The following GALK2 variants were observed in gnomAD, a reference collection of about 807,000 sequenced individuals.
GALK2 encodes N-acetylgalactosamine kinase.
In GALK2, 36 loss-of-function variants were observed where a neutral mutation model predicts 52.4. That is an observed-to-expected ratio of 0.69 (90% CI 0.53 to 0.91). The LOEUF (loss-of-function observed/expected upper bound fraction) is 0.91, where lower values mean the gene tolerates loss of function less well. Ranked by LOEUF, GALK2 falls within the 40% of genes least tolerant of loss-of-function variation. The pLI is 0.00. For missense variants in GALK2, 579 were observed against 559.1 expected (o/e 1.04, Z -0.36); for synonymous variants, 176 against 199.1 (o/e 0.88, Z 0.98).
intron 3 of GALK2, among the ~76,000 whole-genome samples, chr15:49,347,294 T>C (rs2041647976): frequency 6.6e-6 from 1 of 152,184 alleles, no homozygotes; most frequent in South Asian, 2.1e-4. Context: ...GAATAAGAAG[T>C]GACAACATTT....
rs924002701 is a variant in GALK2 at position 49,210,977 on chromosome 15, A to T, written c.143-6213A>T. On this transcript the variant is annotated intron_variant, in intron 2 of 9. Coordinates refer to ENST00000560031, the MANE Select transcript of GALK2 (RefSeq NM_002044.4). ...GGCTGTCACACACACACACACTCAC[A>T]CACACACACACACACACACACACAC... Among the ~76,000 whole-genome samples, 11 of 70,722 alleles carry T rather than the reference A, an allele frequency of 1.6e-4. No homozygotes were observed. In the East Asian group the frequency reaches 3.1e-3, roughly 20 times the overall value. The allele number at this position is 70,722 out of a possible 152,430, so 46.4% of individuals were successfully genotyped here.
chr15:49,351,450 A>G (rs1166931200), intron 3 of GALK2, among the ~76,000 whole-genome samples: 1 of 152,198 alleles, frequency 6.6e-6, no homozygotes, highest in East Asian at 1.9e-4. Context: ...ATTTTTTTCT[A>G]AAACATGTAA....
intron 8 of GALK2, among the ~76,000 whole-genome samples, chr15:49,296,870 A>G (rs1596006831): frequency 6.6e-6 from 1 of 152,190 alleles, no homozygotes; most frequent in Non-Finnish European, 1.5e-5. Flanking sequence ...AAGTGTTGGG[A>G]TTACAGGCGT....
chr15:49,264,370 G>A (rs2092270974), intron 5 of GALK2, among the ~76,000 whole-genome samples: 1 of 152,068 alleles, frequency 6.6e-6, no homozygotes, highest in Admixed American at 6.5e-5. Flanking sequence ...ATCGGCTCCT[G>A]AGGCTTCTGC....
In GALK2 at chr15:49,209,451, G is replaced by T. The variant is rs528330951; in HGVS notation, c.143-7739G>T. Reference sequence around the variant, plus strand: ...CTTTCCATTTTTCCTCATTTGGTATGACATTAGCTATGGGTTTGTCATATA... The same window carrying T: ...CTTTCCATTTTTCCTCATTTGGTATTACATTAGCTATGGGTTTGTCATATA... On this transcript the variant is annotated intron_variant, in intron 2 of 9. Transcript: ENST00000560031. 4.3e-4 allele frequency among the ~76,000 whole-genome samples: 66 copies of T among 152,242 alleles called. 1 individual carries two copies. The highest frequency in any genetic ancestry group is 1.6e-3 in the African/African-American group (65 of 41,532).
At chr15:49,210,520 A>G (rs139256173) in intron 2 of GALK2, among the ~76,000 whole-genome samples, 122 of 151,966 alleles carry the variant, frequency 8.0e-4, no homozygotes, top group Non-Finnish European at 1.5e-3. Flanking sequence ...GCTCACTGCA[A>G]TGTCTGCCTC....
chr15:49,301,270 G>A (rs1596027081), intron 8 of GALK2, among the ~76,000 whole-genome samples: 1 of 152,172 alleles, frequency 6.6e-6, no homozygotes, highest in South Asian at 2.1e-4. Context: ...ATTTAGAAAT[G>A]CTCAGTGGCC....
At chr15:49,367,372 T>C (rs2045384167) in intron 3 of GALK2, 6 of 1,269,654 alleles carry the variant, frequency 4.7e-6, no homozygotes, top group Non-Finnish European at 6.4e-6. Context: ...TGTTTCTCAA[T>C]TGAGACATTC....
intron 1 of GALK2, among the ~76,000 whole-genome samples, chr15:49,184,629 T>G (rs8039469): frequency 0.025 from 3,748 of 152,284 alleles, 117 homozygotes; most frequent in South Asian, 0.076. Flanking sequence ...TGTGTATCTG[T>G]TTTGTGTTTT....
At chr15:49,288,213 C>A (rs934968243) in intron 7 of GALK2, among the ~76,000 whole-genome samples, 4 of 152,068 alleles carry the variant, frequency 2.6e-5, no homozygotes, top group African/African-American at 9.7e-5. Flanking sequence ...TATACAGTAT[C>A]CCTTAGTTAT....
chr15:49,364,563 C>T (rs1214878240), intron 3 of GALK2, among the ~76,000 whole-genome samples: 2 of 151,942 alleles, frequency 1.3e-5, no homozygotes, highest in Non-Finnish European at 2.9e-5. Context: ...TTTCAGTTCT[C>T]AAGTTTATGA....
intron 8 of GALK2, among the ~76,000 whole-genome samples, chr15:49,310,680 G>A (rs1355611928): frequency 6.6e-6 from 1 of 152,016 alleles, no homozygotes; most frequent in African/African-American, 2.4e-5. Context: ...CCATTTATAT[G>A]TCTTCTTTTG....
chr15:49,268,524 G>A (rs73394313), intron 5 of GALK2, among the ~76,000 whole-genome samples: 1 of 152,210 alleles, frequency 6.6e-6, no homozygotes. Context: ...AAGTAAGAGA[G>A]AAAGTGAGCA....
At chr15:49,192,639 A>C (rs970407810) in intron 1 of GALK2, among the ~76,000 whole-genome samples, 4 of 151,224 alleles carry the variant, frequency 2.6e-5, no homozygotes, top group Non-Finnish European at 4.4e-5. Flanking sequence ...TGTTGTACCA[A>C]ATTTGTATTC....
chr15:49,195,278 G>A, intron 1 of GALK2: 1 of 309,452 alleles, frequency 3.2e-6, no homozygotes, highest in Non-Finnish European at 6.4e-6. Flanking sequence ...TCACTATGTT[G>A]GCAAGGCTGG....
chr15:49,221,952 A>AT (rs2089826378), intron 3 of GALK2, among the ~76,000 whole-genome samples: 1 of 152,030 alleles, frequency 6.6e-6, no homozygotes, highest in Admixed American at 6.6e-5. Flanking sequence ...TGACAGTAGT[A>AT]TTTTCATAGG....
At chr15:49,192,244 A>G (rs981596458) in intron 1 of GALK2, among the ~76,000 whole-genome samples, 1 of 151,898 alleles carries the variant, frequency 6.6e-6, no homozygotes, top group African/African-American at 2.4e-5. Context: ...TGCTAATATG[A>G]TAGTAATTAT....
At chr15:49,333,769 G>A (rs761104294), downstream of GALK2, among the ~76,000 whole-genome samples, 5 of 152,142 alleles carry the variant, frequency 3.3e-5, no homozygotes, top group East Asian at 3.8e-4. Flanking sequence ...ACGTGCTTAC[G>A]GGTGTGTTGG....
At chr15:49,272,760 A>G (rs2030909618) in intron 5 of GALK2, among the ~76,000 whole-genome samples, 1 of 152,168 alleles carries the variant, frequency 6.6e-6, no homozygotes, top group Non-Finnish European at 1.5e-5. Context: ...GAGGTCTAGA[A>G]GAAACCTATC....
Sources: allele counts gnomAD v4.1 joint callset (sites outside exome capture counted in the v4.1 genomes callset), GRCh38; gene constraint gnomAD v4.1.1; transcripts MANE v1.5; gene names NCBI Gene and HGNC (gene_info 2026-07-23, HGNC 2026-07-21).